Variants in GRID2 observed in about 807,000 individuals in gnomAD.
The protein encoded by GRID2 is glutamate ionotropic receptor delta type subunit 2.
GRID2 carries 33 observed loss-of-function variants against 114.8 expected under a neutral mutation model. The ratio of observed to expected loss-of-function variants is 0.29; its 90% CI spans 0.22 to 0.38. The LOEUF is 0.38. GRID2 is among the 10% of genes least tolerant of loss of function. The pLI is 1.00. For synonymous variants in GRID2, 505 were observed against 449.9 expected, an observed-to-expected ratio of 1.12 and a Z score of -1.55; for missense variants, 1,184 against 1,257.7, an observed-to-expected ratio of 0.94 and a Z score of 0.89.
chr4:93,469,847 C>T (rs2200375), intron 11 of GRID2, among the ~76,000 whole-genome samples: 36,023 of 151,960 alleles, frequency 0.24, 4,715 homozygotes, highest in East Asian at 0.57. Flanking sequence ...ATAGTGCAAC[C>T]GGTCCCCTGT....
At chr4:93,231,257 T>G (rs974962929) in intron 7 of GRID2, among the ~76,000 whole-genome samples, 3 of 152,030 alleles carry the variant, frequency 2.0e-5, no homozygotes, top group Non-Finnish European at 4.4e-5. Context: ...GTTAATATTT[T>G]TAATACTGAA....
chr4:93,187,665 GA>G (rs1289579124), intron 4 of GRID2, among the ~76,000 whole-genome samples: 1 of 152,204 alleles, frequency 6.6e-6, no homozygotes, highest in Non-Finnish European at 1.5e-5. Context: ...ATATGGGTGT[GA>G]CTCAAGATGG....
intron 1 of GRID2, among the ~76,000 whole-genome samples, chr4:92,489,076 AAG>A (rs1723029038): frequency 6.6e-6 from 1 of 152,210 alleles, no homozygotes; most frequent in African/African-American, 2.4e-5. Flanking sequence ...AAGTCCTCAG[AAG>A]ACATTACTAC....
chr4:92,383,660 T>C lies in GRID2; in HGVS notation c.88+78916T>C, dbSNP rs556396041. Among the ~76,000 whole-genome samples the C allele has an allele frequency of 1.2e-4, 18 of 152,068 alleles. No homozygotes were observed. In the East Asian group the frequency reaches 1.7e-3, roughly 15 times the overall value. On this transcript the variant is annotated intron_variant, in intron 1 of 15. Transcript: ENST00000282020. ...TGTATTTGCTCTGTGTATGTTTTCTTTCTCTTTTTCTTCCTCTTCCTCTTC... is the reference window on the plus strand; with the variant it reads ...TGTATTTGCTCTGTGTATGTTTTCTCTCTCTTTTTCTTCCTCTTCCTCTTC...
chr4:93,415,957 CATTT>C (rs1767663039), intron 9 of GRID2, among the ~76,000 whole-genome samples: 1 of 151,914 alleles, frequency 6.6e-6, no homozygotes, highest in Non-Finnish European at 1.5e-5. Flanking sequence ...CTGGTAAAAA[CATTT>C]AAGGAAAGAT....
At chr4:92,739,734 A>C (rs1736778204) in intron 2 of GRID2, among the ~76,000 whole-genome samples, 1 of 152,284 alleles carries the variant, frequency 6.6e-6, no homozygotes, top group South Asian at 2.1e-4. Context: ...ATAATCACAA[A>C]GGAGAAAAGA....
chr4:93,796,638 A>C (rs1460162149), intron 1 of GRID2, among the ~76,000 whole-genome samples: 1 of 152,120 alleles, frequency 6.6e-6, no homozygotes, highest in Non-Finnish European at 1.5e-5. Context: ...CCACCTCCCG[A>C]GTTCAGGTGA....
chr4:92,614,180 C>G (rs1241205300), intron 2 of GRID2, among the ~76,000 whole-genome samples: 2 of 151,474 alleles, frequency 1.3e-5, no homozygotes, highest in Non-Finnish European at 1.5e-5. Flanking sequence ...TTCTTCCTAT[C>G]CTGCCTCCTC....
intron 2 of GRID2, among the ~76,000 whole-genome samples, chr4:92,991,362 A>G (rs1459626211): frequency 1.3e-5 from 2 of 152,224 alleles, no homozygotes; most frequent in Non-Finnish European, 2.9e-5. Context: ...TGAATCTCAG[A>G]GTAAAGCATA....
chr4:93,638,192 T>G (rs2149708260), intron 14 of GRID2, among the ~76,000 whole-genome samples: 1 of 152,220 alleles, frequency 6.6e-6, no homozygotes, highest in Middle Eastern at 3.4e-3. Flanking sequence ...TTCTGTCATT[T>G]TATAAAGCTC....
intron 13 of GRID2, among the ~76,000 whole-genome samples, chr4:93,582,716 T>C (rs991115096): frequency 1.3e-5 from 2 of 152,162 alleles, no homozygotes; most frequent in Non-Finnish European, 2.9e-5. Flanking sequence ...GTGTTTTTTT[T>C]AATAATAAAA....
At chr4:93,230,114 T>C (rs1231886150) in intron 7 of GRID2, among the ~76,000 whole-genome samples, 2 of 151,228 alleles carry the variant, frequency 1.3e-5, no homozygotes, top group East Asian at 1.9e-4. Flanking sequence ...TCATTCTATT[T>C]ATTTCTAAAC....
At chr4:93,329,614 G>A (rs949706561) in intron 8 of GRID2, among the ~76,000 whole-genome samples, 1 of 152,042 alleles carries the variant, frequency 6.6e-6, no homozygotes, top group African/African-American at 2.4e-5. Flanking sequence ...AATATCAAAG[G>A]ATGGCAAATT....
intron 4 of GRID2, among the ~76,000 whole-genome samples, chr4:93,131,808 C>A (rs1251442426): frequency 2.6e-5 from 4 of 152,030 alleles, no homozygotes; most frequent in African/African-American, 4.8e-5. Flanking sequence ...AAATTTGAGA[C>A]ATTCAGTTCT....
At chr4:92,442,450 G>T (rs1733160587) in intron 1 of GRID2, among the ~76,000 whole-genome samples, 1 of 152,038 alleles carries the variant, frequency 6.6e-6, no homozygotes, top group Admixed American at 6.6e-5. Flanking sequence ...AGGAGGTTCT[G>T]GAGGAACGCC....
chr4:92,593,058 G>A (rs947721407), intron 2 of GRID2, among the ~76,000 whole-genome samples: 1 of 152,024 alleles, frequency 6.6e-6, no homozygotes, highest in Non-Finnish European at 1.5e-5. Flanking sequence ...TTTTTTTACA[G>A]TCTAAAGAAG....
In GRID2 at chr4:92,615,892, TC is replaced by T. The variant is rs549029629; in HGVS notation, c.244+25607del. ...GATATACAATATTGCTCGAATAACT[TC>T]TACCCACTGTTGTTATTTCTACTCA... On this transcript the variant is annotated intron_variant, in intron 2 of 15. Coordinates refer to ENST00000282020, the MANE Select transcript of GRID2 (RefSeq NM_001510.4). Among the ~76,000 whole-genome samples the T allele has an allele frequency of 3.6e-4, 54 of 151,810 alleles. No homozygotes were observed. In the East Asian group the frequency reaches 6.2e-3, roughly 18 times the overall value.
chr4:93,697,880 T>TATATATATATATATATATATATATAA (rs1208336606), intron 14 of GRID2, among the ~76,000 whole-genome samples: 1 of 147,798 alleles, frequency 6.8e-6, no homozygotes, highest in Non-Finnish European at 1.5e-5. Context: ...TATATATATA[T>TATATATATATATATATATATATATAA]TTCAAAACAA....
At chr4:93,616,421 C>A (rs1042404603) in intron 13 of GRID2, among the ~76,000 whole-genome samples, 2 of 151,302 alleles carry the variant, frequency 1.3e-5, no homozygotes, top group Non-Finnish European at 2.9e-5. Flanking sequence ...ATGGTGCACA[C>A]CTGTAGTCCC....
Sources: allele counts gnomAD v4.1 joint callset (sites outside exome capture counted in the v4.1 genomes callset), GRCh38; gene constraint gnomAD v4.1.1; transcripts MANE v1.5; gene names NCBI Gene and HGNC (gene_info 2026-07-23, HGNC 2026-07-21).